CYBRD1: variants seen among roughly 807,000 people sequenced by gnomAD.
CYBRD1 encodes plasma membrane ascorbate-dependent reductase CYBRD1.
In CYBRD1, 14 loss-of-function variants were observed where a neutral mutation model predicts 21.9. The observed-to-expected ratio is 0.64, with a 90% CI of 0.42 to 1.00. The LOEUF is 1.00. Ranked by LOEUF, CYBRD1 falls within the 50% of genes least tolerant of loss-of-function variation. The pLI, the probability that CYBRD1 is intolerant of heterozygous loss-of-function variation, is 0.00. For synonymous variants in CYBRD1, 146 were observed against 136.5 expected, an observed-to-expected ratio of 1.07 and a Z score of -0.48; for missense variants, 328 against 352.5, an observed-to-expected ratio of 0.93 and a Z score of 0.56.
intron 2 of CYBRD1, among the ~76,000 whole-genome samples, chr2:171,545,568 T>A (rs1391767110): frequency 7.0e-6 from 1 of 143,014 alleles, no homozygotes; most frequent in Non-Finnish European, 1.5e-5. Flanking sequence ...TTTTTTTTTT[T>A]AGTAGAGACG....
chr2:171,547,451 T>G (rs1379442653), intron 2 of CYBRD1, among the ~76,000 whole-genome samples: 1 of 135,930 alleles, frequency 7.4e-6, no homozygotes, highest in Non-Finnish European at 1.6e-5. Context: ...TTTTTTTTTT[T>G]GTCTACTTCT....
At chr2:171,532,476 C>A (rs987983771) in intron 1 of CYBRD1, among the ~76,000 whole-genome samples, 2 of 152,158 alleles carry the variant, frequency 1.3e-5, no homozygotes, top group Non-Finnish European at 2.9e-5. Flanking sequence ...CTTGCATCAG[C>A]AGTACAATTT....
Position 171,554,959 on chromosome 2 carries a change from T to G in CYBRD1, c.*132T>G. On this transcript the variant is annotated 3_prime_UTR_variant, in exon 4 of 4. Transcript: ENST00000321348. ...ACTTTAATCACAAAGGATGGTTTCT[T>G]GAAATAATTTGTATTGATTGAGGCC... 1 of 998,506 alleles carries G rather than the reference T, an allele frequency of 1.0e-6. No homozygotes were observed. The highest frequency in any genetic ancestry group is 1.5e-6 in the Non-Finnish European group (1 of 661,906). The allele number at this position is 998,506 out of a possible 1,614,324, so 61.9% of individuals were successfully genotyped here.
intron 1 of CYBRD1, chr2:171,523,242 G>A (rs1309812688): frequency 2.4e-6 from 1 of 423,894 alleles, no homozygotes; most frequent in Admixed American, 2.9e-5. Context: ...TGCAGATGAG[G>A]AGGGGAAGGC....
rs1683515937 is a variant in CYBRD1, at chr2:171,557,868, C to G, written c.*3041C>G. ...TATTTCAATATGATAGAAAATTTAT[C>G]TTGGTATGTCCTTTTTTAGATAACT... On this transcript the variant is annotated 3_prime_UTR_variant, in exon 4 of 4. Coordinates refer to ENST00000321348, the MANE Select transcript of CYBRD1 (RefSeq NM_024843.4). The G allele has an allele frequency of 6.6e-6, 1 of 152,066 alleles. No homozygotes were observed. Among genetic ancestry groups the G allele is most frequent in the Non-Finnish European group, 1.5e-5 (1 of 67,990 alleles). 9.4% of individuals were successfully genotyped at this position (152,066 alleles called of 1,614,324 possible).
intron 1 of CYBRD1, among the ~76,000 whole-genome samples, chr2:171,533,948 C>T (rs1317804951): frequency 2.6e-5 from 4 of 152,020 alleles, no homozygotes; most frequent in African/African-American, 7.2e-5. Flanking sequence ...TTAAGAGATC[C>T]GCCTGTCTTG....
chr2:171,523,726 G>A (rs1386917156), intron 1 of CYBRD1, among the ~76,000 whole-genome samples: 1 of 89,344 alleles, frequency 1.1e-5, no homozygotes, highest in Non-Finnish European at 2.1e-5. Context: ...TCATTGTGTA[G>A]TGCCTCTCAA....
chr2:171,554,401 A>G, intron 3 of CYBRD1, 123 bp from the exon 4 acceptor site: 1 of 864,280 alleles, frequency 1.2e-6, no homozygotes. Context: ...TCTCCTTAAT[A>G]GCAAGCTTTG....
At position 171,534,227 on chromosome 2, in the gene CYBRD1, G is replaced by A. The variant is rs187893066; in HGVS notation, c.194-7358G>A. Among the ~76,000 whole-genome samples, 11 of 152,274 alleles carry A rather than the reference G, an allele frequency of 7.2e-5. No homozygotes were observed. The East Asian group carries it at 1.7e-3, about 24-fold the overall frequency. On this transcript the variant is annotated intron_variant, in intron 1 of 3. Transcript: ENST00000321348. ...TTTCCCCTCATTTTCTGGGAGAAATGGAATGCCAACTACAGCCTCTAACAG... is the reference window on the plus strand; with the variant it reads ...TTTCCCCTCATTTTCTGGGAGAAATAGAATGCCAACTACAGCCTCTAACAG...
At position 171,529,472 on chromosome 2, in the gene CYBRD1, G is replaced by A. The variant is rs909548684; in HGVS notation, c.193+6734G>A. Among the ~76,000 whole-genome samples, 7 of 149,872 alleles carry A rather than the reference G, an allele frequency of 4.7e-5. 1 individual carries two copies. Among genetic ancestry groups the A allele is most frequent in the East Asian group, 2.0e-4 (1 of 5,112 alleles). ...CTTGAACCCAGGAGACAGAGGTTGC[G>A]GTGAGCTGAGATCATGCCATTGCAC... On this transcript the variant is annotated intron_variant, in intron 1 of 3. Transcript: ENST00000321348.
intron 2 of CYBRD1, among the ~76,000 whole-genome samples, chr2:171,546,592 G>A (rs1168796728): frequency 1.3e-5 from 2 of 152,220 alleles, no homozygotes; most frequent in Non-Finnish European, 2.9e-5. Context: ...TGGGCTGTGG[G>A]TGATACCTGT....
intron 1 of CYBRD1, chr2:171,523,023 T>C: frequency 2.1e-6 from 1 of 468,732 alleles, no homozygotes; most frequent in Non-Finnish European, 3.8e-6. Flanking sequence ...CCGGCCCCAC[T>C]TGGTTAACTC....
Position 171,554,664 on chromosome 2 carries a change from C to G in CYBRD1, c.698C>G (p.Thr233Ser). Residue 233 changes from threonine (T) to serine (S), a missense_variant, in exon 4 of 4, where the codon ACC becomes AGC. By Grantham distance (58) the Thr-to-Ser change is moderately conservative. Transcript: ENST00000321348. The part of the protein sequence containing the change: ...QWKRPKEPNS[T>S]ILHPNGGTEQ... ...AAACGTCCTAAGGAGCCAAATTCTA[C>G]CATTCTTCATCCAAATGGAGGCACT... 6.2e-7 allele frequency: 1 copy of G among 1,614,058 alleles called. No homozygotes were observed. Among genetic ancestry groups the G allele is most frequent in the Non-Finnish European group, 8.5e-7 (1 of 1,179,982 alleles).
chr2:171,522,401 C>A (rs1697317511), upstream of CYBRD1: 4 of 1,498,458 alleles, frequency 2.7e-6, no homozygotes, highest in Non-Finnish European at 3.6e-6. This position sits in a 1 kb window ranked among gnomAD's most constrained non-coding sequence, Gnocchi z 4.3. Context: ...ACATTCCGGG[C>A]CAGCAGCCCA....
Position 171,554,718 on chromosome 2 carries a change from C to G in CYBRD1, c.752C>G (p.Ala251Gly). Residue 251 changes from alanine (A) to glycine (G), a missense_variant, in exon 4 of 4, where the codon GCC becomes GGC. Physicochemically the swap from Ala to Gly is moderately conservative, Grantham distance 60. Coordinates refer to ENST00000321348, the MANE Select transcript of CYBRD1 (RefSeq NM_024843.4). ...CAGGGAGCAAGAGGTTCCATGCCAG[C>G]CTACTCTGGCAACAACATGGACAAA... ...TEQGARGSMP[A>G]YSGNNMDKSD... 1.2e-6 allele frequency: 2 copies of G among 1,613,946 alleles called. No homozygotes were observed. The highest frequency in any genetic ancestry group is 1.7e-6 in the Non-Finnish European group (2 of 1,179,934).
At chr2:171,522,342 T>A, upstream of CYBRD1, 1 of 1,514,008 alleles carries the variant, frequency 6.6e-7, no homozygotes, top group Non-Finnish European at 8.8e-7. This position sits in a 1 kb window ranked among gnomAD's most constrained non-coding sequence, Gnocchi z 4.3. Flanking sequence ...ATCCCGGGGG[T>A]GGGGCCCATT....
At position 171,551,371 on chromosome 2, in the gene CYBRD1, T is replaced by C. The variant is rs137922765; in HGVS notation, c.403-1975T>C. ...TCTGAACCACCAAGAGGGAACCCTC[T>C]GAACCATTTCTAATATATTCAGGCA... On this transcript the variant is annotated intron_variant, in intron 2 of 3. Coordinates refer to ENST00000321348, the MANE Select transcript of CYBRD1 (RefSeq NM_024843.4). Among the ~76,000 whole-genome samples, 250 of 152,324 alleles carry C rather than the reference T, an allele frequency of 1.6e-3. 6 individuals carry two copies. In the East Asian group the frequency reaches 0.028, roughly 17 times the overall value.
At chr2:171,537,085 A>G (rs1697556513) in intron 1 of CYBRD1, among the ~76,000 whole-genome samples, 1 of 152,202 alleles carries the variant, frequency 6.6e-6, no homozygotes, top group African/African-American at 2.4e-5. Flanking sequence ...TGAGGTGAGA[A>G]TTATAATGAA....
chr2:171,530,307 A>G lies in CYBRD1; in HGVS notation c.193+7569A>G, dbSNP rs569959500. Among the ~76,000 whole-genome samples, 4 of 152,388 alleles carry G rather than the reference A, an allele frequency of 2.6e-5. No homozygotes were observed. In the South Asian group the frequency reaches 6.2e-4, roughly 24 times the overall value. On this transcript the variant is annotated intron_variant, in intron 1 of 3. Coordinates refer to ENST00000321348, the MANE Select transcript of CYBRD1 (RefSeq NM_024843.4). Reference sequence around the variant, plus strand: ...TAGCTCTAGGGGATTAATATAGGCTATAACAGTTATCACTGCACTCTGGGA... The same window carrying G: ...TAGCTCTAGGGGATTAATATAGGCTGTAACAGTTATCACTGCACTCTGGGA...
Sources: allele counts gnomAD v4.1 joint callset (sites outside exome capture counted in the v4.1 genomes callset), GRCh38; gene constraint gnomAD v4.1.1; non-coding constraint Gnocchi (gnomAD v3.1); transcripts MANE v1.5; gene names NCBI Gene and HGNC (gene_info 2026-07-23, HGNC 2026-07-21).